PEX11B: variants seen among roughly 807,000 people sequenced by gnomAD.
PEX11B encodes the protein peroxisomal membrane protein 11B.
A neutral mutation model predicts 28.2 loss-of-function variants in PEX11B; 18 were observed. The observed-to-expected ratio is 0.64, with a 90% confidence interval of 0.44 to 0.95. The LOEUF is 0.95. PEX11B is among the 40% of genes least tolerant of loss of function. PEX11B has a pLI of 0.00. For synonymous variants in PEX11B, 128 were observed against 128.7 expected, an observed-to-expected ratio of 0.99 and a Z score of 0.04; for missense variants, 305 against 319.8, an observed-to-expected ratio of 0.95 and a Z score of 0.35.
At chr1:145,918,054 C>A in intron 1 of PEX11B, 1 of 985,116 alleles carries the variant, frequency 1.0e-6, no homozygotes, top group Non-Finnish European at 1.2e-6. Flanking sequence ...AGAGATTTGA[C>A]AATGATGAGG....
Position 145,917,763 on chromosome 1 carries a change from G to A in PEX11B, c.110C>T (p.Ala37Val). Residue 37 changes from alanine to valine, a missense_variant, in exon 2 of 4, where the codon GCC becomes GTC. Ala to Val is a moderately conservative substitution (Grantham distance 64). Coordinates refer to ENST00000369306, the MANE Select transcript of PEX11B (RefSeq NM_003846.3). ...AATCTGTTTCTGTAACTCAGGACTGGCTCCATGCCTCTGCAGCGCATGGCC... is the reference window on the plus strand; with the variant it reads ...AATCTGTTTCTGTAACTCAGGACTGACTCCATGCCTCTGCAGCGCATGGCC... ...LLGHALQRHG[A>V]SPELQKQIRQ... 2 of 1,613,748 alleles carry A rather than the reference G, an allele frequency of 1.2e-6. No individual in the cohort carries two copies. Among genetic ancestry groups the A allele is most frequent in the Non-Finnish European group, 1.7e-6 (2 of 1,179,668 alleles).
intron 3 of PEX11B, among the ~76,000 whole-genome samples, 158 bp downstream of exon 3, chr1:145,916,659 T>C (rs899651716): frequency 1.3e-5 from 2 of 152,206 alleles, no homozygotes; most frequent in Admixed American, 6.5e-5. Flanking sequence ...CCATTTGATA[T>C]TCTCCGATAG....
At chr1:145,918,137 G>T (rs1344280083) in intron 1 of PEX11B, 8 of 985,348 alleles carry the variant, frequency 8.1e-6, no homozygotes, top group Non-Finnish European at 9.6e-6. Flanking sequence ...TGATCGATGA[G>T]GGGGAGGCAG....
chr1:145,914,949 G>A (rs1466863292), intron 3 of PEX11B, among the ~76,000 whole-genome samples: 3 of 152,124 alleles, frequency 2.0e-5, no homozygotes, highest in Admixed American at 6.5e-5. Flanking sequence ...TGTTGCCCAG[G>A]CTAGAGTACA....
chr1:145,918,366 G>A, intron 1 of PEX11B: 1 of 1,531,972 alleles, frequency 6.5e-7, no homozygotes, highest in East Asian at 2.4e-5. Flanking sequence ...ACCGCCCAGT[G>A]AGGACACTGT....
intron 1 of PEX11B, chr1:145,918,427 C>G: frequency 6.5e-7 from 1 of 1,536,192 alleles, no homozygotes. Context: ...CTGGCCCACT[C>G]ATGCCTCAGT....
At position 145,917,786 on chromosome 1, in the gene PEX11B, G is replaced by C; in HGVS notation, c.87C>G (p.Gly29=). ...TGGCTCCATGCCTCTGCAGCGCATG[G>C]CCAAGAAGAGAGCAAGCATACTGGG... The part of the protein sequence containing the change: ...RAAQYACSLL[G]HALQRHGASP... The change falls in exon 2 of 4, where the codon GGC becomes GGG. Residue 29 remains glycine (G), a synonymous_variant. Coordinates refer to ENST00000369306, the MANE Select transcript of PEX11B (RefSeq NM_003846.3). The C allele has an allele frequency of 6.2e-7, 1 of 1,613,502 alleles. No homozygotes were observed. The highest frequency in any genetic ancestry group is 8.5e-7 in the Non-Finnish European group (1 of 1,179,412).
At chr1:145,916,760 A>G in intron 3 of PEX11B, 57 bp downstream of exon 3, 2 of 1,171,344 alleles carry the variant, frequency 1.7e-6, no homozygotes, top group South Asian at 2.4e-5. Context: ...ATATAAGACA[A>G]GCTATGCAAT....
chr1:145,915,313 A>C (rs1431467033), intron 3 of PEX11B, among the ~76,000 whole-genome samples: 1 of 151,878 alleles, frequency 6.6e-6, no homozygotes, highest in Non-Finnish European at 1.5e-5. Flanking sequence ...TAACATATAG[A>C]CTCCTTTAGG....
Position 145,918,649 on chromosome 1 carries a change from G to A in PEX11B, c.40C>T (p.Arg14Trp). 1 of 1,314,452 alleles carries A rather than the reference G, an allele frequency of 7.6e-7. No individual in the cohort carries two copies. The highest frequency in any genetic ancestry group is 9.9e-7 in the Non-Finnish European group (1 of 1,008,764). 81.4% of individuals were successfully genotyped at this position (1,314,452 alleles called of 1,614,324 possible). A position where few individuals can be genotyped will look rare whatever the true frequency, so the allele number is the denominator to read the frequency against. ...GGGCCGCACCTACACAGCCGCTCCC[G>A]GGCTTGGCTCTGAGCACTGAAGCGG... ...WVRFSAQSQARERLCRAAQYA... is the reference protein window; with the variant it reads ...WVRFSAQSQAWERLCRAAQYA... The change falls in exon 1 of 4, where the codon CGG becomes TGG. Residue 14 changes from arginine (R) to tryptophan (W), a missense_variant. By Grantham distance (101) the Arg-to-Trp change is moderately radical (BLOSUM62 -3). Coordinates refer to ENST00000369306, the MANE Select transcript of PEX11B (RefSeq NM_003846.3).
intron 1 of PEX11B, 168 bp from the exon 2 acceptor site, chr1:145,917,984 C>T (rs972971533): frequency 1.0e-6 from 1 of 981,370 alleles, no homozygotes; most frequent in Non-Finnish European, 1.2e-6. Flanking sequence ...AAGGGAAAGG[C>T]ATAAGGAGAA....
At chr1:145,917,588 G>A in intron 2 of PEX11B, 113 bp downstream of exon 2, 1 of 702,770 alleles carries the variant, frequency 1.4e-6, no homozygotes. Flanking sequence ...GAGGGTAAGT[G>A]CAGAGCCAAA....
At chr1:145,915,454 T>A (rs1363121345) in intron 3 of PEX11B, among the ~76,000 whole-genome samples, 2 of 151,552 alleles carry the variant, frequency 1.3e-5, no homozygotes, top group East Asian at 3.9e-4. Context: ...AAAAGTACAA[T>A]CATAGGAAAA....
At chr1:145,918,399 C>T in intron 1 of PEX11B, 3 of 1,536,074 alleles carry the variant, frequency 2.0e-6, no homozygotes, top group Non-Finnish European at 2.6e-6. Context: ...GACACAGCAA[C>T]CCTGAGCGGC....
chr1:145,917,552 T>C, intron 2 of PEX11B, 149 bp downstream of exon 2: 1 of 620,184 alleles, frequency 1.6e-6, no homozygotes, highest in South Asian at 1.9e-5. Flanking sequence ...ATACCCCTGC[T>C]CTCTTATCTC....
rs587739652 is a variant in PEX11B at position 145,918,503 on chromosome 1, T to A, written c.56+130A>T. The stretch of plus-strand genomic sequence containing the variant: ...AGCGGCTCAAATCTGCGCCTCACGG[T>A]CCGTTCGGGCCCCCGTAGCCGGAGT... On this transcript the variant is annotated intron_variant, in intron 1 of 3. Coordinates refer to ENST00000369306, the MANE Select transcript of PEX11B (RefSeq NM_003846.3). 1,420 of 1,538,140 alleles carry A rather than the reference T, an allele frequency of 9.2e-4. 1 individual carries two copies. The highest frequency in any genetic ancestry group is 1.1e-3 in the Admixed American group (58 of 50,998).
intron 3 of PEX11B, among the ~76,000 whole-genome samples, chr1:145,915,925 G>A (rs1341127380): frequency 2.0e-5 from 3 of 152,038 alleles, no homozygotes; most frequent in Non-Finnish European, 4.4e-5. Context: ...GAGCCACTGC[G>A]CCCGGCCTGC....
At chr1:145,912,787 T>C (rs587746676) in intron 3 of PEX11B, among the ~76,000 whole-genome samples, 9 of 152,200 alleles carry the variant, frequency 5.9e-5, no homozygotes, top group South Asian at 2.1e-4. Context: ...ATCTCACTTA[T>C]AGGTGGAAGC....
chr1:145,915,707 C>G (rs1570934244), intron 3 of PEX11B, among the ~76,000 whole-genome samples: 4 of 150,550 alleles, frequency 2.7e-5, no homozygotes, highest in Admixed American at 2.7e-4. Flanking sequence ...GATCTCGGCT[C>G]ACTGCAACCT....
Sources: allele counts gnomAD v4.1 joint callset (sites outside exome capture counted in the v4.1 genomes callset), GRCh38; gene constraint gnomAD v4.1.1; transcripts MANE v1.5; gene names NCBI Gene and HGNC (gene_info 2026-07-23, HGNC 2026-07-21).